Variants in ANO10 observed in about 807,000 individuals in gnomAD.
ANO10 encodes the protein anoctamin 10.
In ANO10, 77 loss-of-function variants were observed where a neutral mutation model predicts 74.7. The observed-to-expected ratio is 1.03, with a 90% CI of 0.86 to 1.25. ANO10 has a LOEUF of 1.25. Among genes scored for constraint, ANO10 ranks in the 50% most tolerant of loss-of-function variants. ANO10 has a pLI of 0.00. For synonymous variants in ANO10, 279 were observed against 284.9 expected (o/e 0.98, Z 0.21); for missense variants, 721 against 778.1 (o/e 0.93, Z 0.87).
chr3:43,495,478 A>G (rs888151902), intron 11 of ANO10, among the ~76,000 whole-genome samples: 2 of 152,206 alleles, frequency 1.3e-5, no homozygotes, highest in Non-Finnish European at 2.9e-5. Flanking sequence ...ACATGTGACC[A>G]AAGAGTTAAT....
At chr3:43,397,581 T>C (rs1240410391) in intron 12 of ANO10, among the ~76,000 whole-genome samples, 1 of 152,236 alleles carries the variant, frequency 6.6e-6, no homozygotes, top group Admixed American at 6.5e-5. Context: ...CTGAGTGTTT[T>C]ACTCAACACC....
intron 11 of ANO10, among the ~76,000 whole-genome samples, chr3:43,514,112 T>C (rs1167631359): frequency 1.3e-5 from 2 of 151,494 alleles, no homozygotes; most frequent in Non-Finnish European, 2.9e-5. Flanking sequence ...AGCAAACACA[T>C]AAATAGCAAT....
chr3:43,479,050 T>C (rs984009756), intron 11 of ANO10, among the ~76,000 whole-genome samples: 1 of 152,228 alleles, frequency 6.6e-6, no homozygotes, highest in African/African-American at 2.4e-5. Context: ...CTGATCCTTT[T>C]GTTTAATAAC....
At chr3:43,551,550 C>G (rs2079459250) in intron 10 of ANO10, 1 of 457,118 alleles carries the variant, frequency 2.2e-6, no homozygotes, top group African/African-American at 2.0e-5. Context: ...CCTTGCAATT[C>G]AGCCCTCTCT....
At chr3:43,541,985 G>A (rs1418413981) in intron 11 of ANO10, among the ~76,000 whole-genome samples, 1 of 152,214 alleles carries the variant, frequency 6.6e-6, no homozygotes, top group African/African-American at 2.4e-5. Context: ...CACAGCGGAA[G>A]AGAAATATGA....
At chr3:43,410,410 C>G (rs765779487) in intron 12 of ANO10, among the ~76,000 whole-genome samples, 1 of 152,148 alleles carries the variant, frequency 6.6e-6, no homozygotes, top group Non-Finnish European at 1.5e-5. Flanking sequence ...CGCCCTACCA[C>G]ACCTGGCTTC....
intron 12 of ANO10, among the ~76,000 whole-genome samples, chr3:43,418,311 T>C (rs1486131475): frequency 2.0e-5 from 3 of 152,002 alleles, no homozygotes; most frequent in Non-Finnish European, 2.9e-5. Context: ...AAACAAAGAA[T>C]TGGAAGGAAA....
intron 12 of ANO10, among the ~76,000 whole-genome samples, chr3:43,409,318 CG>C (rs1215133228): frequency 6.6e-6 from 1 of 152,048 alleles, no homozygotes; most frequent in Admixed American, 6.6e-5. Flanking sequence ...GAGGCCGAGG[CG>C]GGTGGATCAC....
intron 12 of ANO10, among the ~76,000 whole-genome samples, chr3:43,416,762 C>G (rs1001722503): frequency 5.3e-5 from 8 of 152,188 alleles, no homozygotes; most frequent in Non-Finnish European, 8.8e-5. Flanking sequence ...TGAAAATCCA[C>G]AGGATCCCCC....
intron 4 of ANO10, among the ~76,000 whole-genome samples, chr3:43,589,441 C>T (rs1401674636): frequency 1.3e-5 from 2 of 152,030 alleles, no homozygotes; most frequent in African/African-American, 4.8e-5. Context: ...AATCCCAGCA[C>T]TTTGGGAGGC....
chr3:43,452,162 G>GT (rs1476102871), intron 11 of ANO10, among the ~76,000 whole-genome samples: 4 of 151,882 alleles, frequency 2.6e-5, no homozygotes, highest in African/African-American at 9.7e-5. Flanking sequence ...ATGTATTCTT[G>GT]TTTTTAAAAA....
Position 43,457,388 on chromosome 3 carries a change from A to G in ANO10, c.1798-24661T>C, listed in dbSNP as rs533162349. 3.3e-5 allele frequency among the ~76,000 whole-genome samples: 5 copies of G among 152,352 alleles called. No individual in the cohort carries two copies. The East Asian group carries it at 5.8e-4, about 18-fold the overall frequency. ...AGTTCTGCATGGCTGGGGAGGCCTC[A>G]GGAAACTTACAATCGTGGCAGAAGG... On this transcript the variant is annotated intron_variant, in intron 11 of 12. Coordinates refer to ENST00000292246, the MANE Select transcript of ANO10 (RefSeq NM_018075.5).
intron 1 of ANO10, among the ~76,000 whole-genome samples, chr3:43,644,385 C>T (rs2083705675): frequency 6.6e-6 from 1 of 152,098 alleles, no homozygotes; most frequent in African/African-American, 2.4e-5. Flanking sequence ...AAGAAGCAAA[C>T]ATGGGGGTGG....
At chr3:43,580,650 CTCTT>C (rs1035915918) in intron 4 of ANO10, among the ~76,000 whole-genome samples, 178 bp from the exon 5 acceptor site, 2 of 152,090 alleles carry the variant, frequency 1.3e-5, no homozygotes, top group Admixed American at 1.3e-4. Context: ...CTTTACTATT[CTCTT>C]TGACTATGAA....
intron 11 of ANO10, among the ~76,000 whole-genome samples, chr3:43,465,678 T>G (rs11714099): frequency 0.065 from 9,824 of 152,158 alleles, 450 homozygotes; most frequent in Middle Eastern, 0.15. Context: ...AATAATCTTA[T>G]GAGACCACTG....
chr3:43,415,824 G>A (rs2092729844), intron 12 of ANO10, among the ~76,000 whole-genome samples: 1 of 152,154 alleles, frequency 6.6e-6, no homozygotes, highest in Non-Finnish European at 1.5e-5. Context: ...TTACAGGCAT[G>A]AGCCACCATG....
intron 9 of ANO10, among the ~76,000 whole-genome samples, chr3:43,556,481 C>T (rs1427758713): frequency 2.0e-5 from 3 of 152,234 alleles, no homozygotes; most frequent in Admixed American, 6.5e-5. Flanking sequence ...TTCCATCTCT[C>T]GGGGTGATTC....
At chr3:43,578,748 T>TTA (rs1315532019) in intron 5 of ANO10, among the ~76,000 whole-genome samples, 1 of 10,358 alleles carries the variant, frequency 9.7e-5, no homozygotes, top group African/African-American at 2.6e-4. Context: ...AGACTCCATC[T>TTA]CAAAAAAAAA....
At chr3:43,666,622 C>T (rs2083995869) in intron 1 of ANO10, among the ~76,000 whole-genome samples, 1 of 152,166 alleles carries the variant, frequency 6.6e-6, no homozygotes, top group African/African-American at 2.4e-5. Context: ...TCAGTCCATT[C>T]TGTCTCAGAC....
Sources: allele counts gnomAD v4.1 joint callset (sites outside exome capture counted in the v4.1 genomes callset), GRCh38; gene constraint gnomAD v4.1.1; transcripts MANE v1.5; gene names NCBI Gene and HGNC (gene_info 2026-07-23, HGNC 2026-07-21).